The following NDOR1 variants were observed in gnomAD, a reference collection of about 807,000 sequenced individuals.
The protein encoded by NDOR1 is NADPH-dependent diflavin oxidoreductase 1.
NDOR1 carries 61 observed loss-of-function variants against 67.2 expected under a neutral mutation model. The observed-to-expected ratio is 0.91, with a 90% CI of 0.74 to 1.12. The LOEUF (loss-of-function observed/expected upper bound fraction) is 1.12. Ranked by LOEUF, NDOR1 falls within the 50% of genes most tolerant of loss-of-function variation. The probability of loss-of-function intolerance (pLI) is 0.00; values close to 1 mark genes in which losing one functional copy is unlikely to be tolerated. For missense variants in NDOR1, 878 were observed against 802.8 expected (o/e 1.09, Z -1.13); for synonymous variants, 378 against 343.7 (o/e 1.10, Z -1.10).
At position 137,218,687 on chromosome 9, in the gene NDOR1, A is replaced by G. The variant is rs906451384; in HGVS notation, c.*2271A>G. 7.5e-6 allele frequency: 3 copies of G among 398,038 alleles called. No individual in the cohort carries two copies. The highest frequency in any genetic ancestry group is 1.3e-5 in the Non-Finnish European group (3 of 225,808). 24.7% of individuals were successfully genotyped at this position (398,038 alleles called of 1,614,324 possible). On this transcript the variant is annotated 3_prime_UTR_variant, in exon 14 of 14. Transcript: ENST00000684003. ...CCATGCCTGGGTGCTGTGAGGCCTG[A>G]TGACCAGGCTGGAAAAACCCAAGGT...
At chr9:137,213,689 C>G in intron 3 of NDOR1, 91 bp from the exon 4 acceptor site, 3 of 1,296,862 alleles carry the variant, frequency 2.3e-6, no homozygotes, top group Non-Finnish European at 3.2e-6. Flanking sequence ...CTCCACTCTT[C>G]GCCCGGGCTC....
At position 137,216,551 on chromosome 9, in the gene NDOR1, C is replaced by A; in HGVS notation, c.*135C>A. On this transcript the variant is annotated 3_prime_UTR_variant, in exon 14 of 14. Coordinates refer to ENST00000684003, the MANE Select transcript of NDOR1 (RefSeq NM_014434.4). ...TGGTCCTCTGGGAACAGCCAGCTCC[C>A]GAGCACAGCCGCACTCCTGTTGACC... 1 of 1,160,890 alleles carries A rather than the reference C, an allele frequency of 8.6e-7. No individual in the cohort carries two copies. Among genetic ancestry groups the A allele is most frequent in the Non-Finnish European group, 1.2e-6 (1 of 844,562 alleles). The allele number at this position is 1,160,890 out of a possible 1,614,324, so 71.9% of individuals were successfully genotyped here. A position where few individuals can be genotyped will look rare whatever the true frequency, so the allele number is the denominator to read the frequency against.
chr9:137,215,885 C>T lies in NDOR1; in HGVS notation c.1436-14C>T, dbSNP rs913194584. 20 of 1,613,064 alleles carry T rather than the reference C, an allele frequency of 1.2e-5. No homozygotes were observed. Among genetic ancestry groups the T allele is most frequent in the Non-Finnish European group, 1.7e-5 (20 of 1,179,936 alleles). ...TCAAGGACCTGTGGCCAAGAGCACC[C>T]TGTATTTCCCTAGGAAACTTCTTGT... On this transcript the variant is annotated splice_polypyrimidine_tract_variant and intron_variant, in intron 11 of 13. Coordinates refer to ENST00000684003, the MANE Select transcript of NDOR1 (RefSeq NM_014434.4).
rs538139588 is a variant in NDOR1 at position 137,211,046 on chromosome 9, C to T, written c.214-1456C>T. Among the ~76,000 whole-genome samples, 29 of 152,302 alleles carry T rather than the reference C, an allele frequency of 1.9e-4. No homozygotes were observed. In the South Asian group the frequency reaches 6.0e-3, roughly 32 times the overall value. On this transcript the variant is annotated intron_variant, in intron 2 of 13. Transcript: ENST00000684003. ...ATCCCAGCTACTTGGGAGGCTGAGG[C>T]AGGAGAATCACTTGAACCTGGGAGG...
rs1200675418 is a variant in NDOR1, at chr9:137,219,119, C to T, written c.*2703C>T. The T allele has an allele frequency of 6.5e-6, 1 of 153,428 alleles. No homozygotes were observed. Among genetic ancestry groups the T allele is most frequent in the Non-Finnish European group, 1.5e-5 (1 of 68,910 alleles). 9.5% of individuals were successfully genotyped at this position (153,428 alleles called of 1,614,324 possible). A position where few individuals can be genotyped will look rare whatever the true frequency, so the allele number is the denominator to read the frequency against. ...GGTCAGGCCAGCCGGGGGAGGGGTC[C>T]ATGCTGCGAAAATTCAGCCTGCAAA... On this transcript the variant is annotated 3_prime_UTR_variant, in exon 14 of 14. Transcript: ENST00000684003.
rs1020253873 is a variant in NDOR1, at chr9:137,216,148, G to C, written c.1609G>C (p.Glu537Gln). 1 of 1,613,610 alleles carries C rather than the reference G, an allele frequency of 6.2e-7. No homozygotes were observed. Among genetic ancestry groups the C allele is most frequent in the Non-Finnish European group, 8.5e-7 (1 of 1,180,024 alleles). The stretch of plus-strand genomic sequence containing the variant: ...CCGGGAGCTGGGGTCGCTTGTGTGG[G>C]AACTGCTGGACCGCCAGGGTGCATA... Reference protein sequence around the residue: ...RLRELGSLVWELLDRQGAYFY... With the variant: ...RLRELGSLVWQLLDRQGAYFY... The change falls in exon 13 of 14, where the codon GAA becomes CAA. Residue 537 changes from glutamate to glutamine, a missense_variant. Coordinates refer to ENST00000684003, the MANE Select transcript of NDOR1 (RefSeq NM_014434.4).
At chr9:137,207,726 G>A (rs932091412) in intron 2 of NDOR1, among the ~76,000 whole-genome samples, 1 of 152,158 alleles carries the variant, frequency 6.6e-6, no homozygotes, top group Non-Finnish European at 1.5e-5. Context: ...GGGATCCATG[G>A]GATTTCTTGG....
intron 2 of NDOR1, among the ~76,000 whole-genome samples, chr9:137,211,106 A>T (rs995934264): frequency 1.3e-5 from 2 of 152,224 alleles, no homozygotes; most frequent in Admixed American, 1.3e-4. Flanking sequence ...GCACCATTGC[A>T]CTCCAGCCTG....
chr9:137,212,545 C>T lies in NDOR1; in HGVS notation c.257C>T (p.Ala86Val), dbSNP rs368185373. 3.4e-5 allele frequency: 55 copies of T among 1,614,004 alleles called. 2 individuals carry two copies. Among genetic ancestry groups the T allele is most frequent in the East Asian group, 1.6e-4 (7 of 44,898 alleles). Residue 86 changes from alanine (A) to valine (V), a missense_variant, in exon 3 of 14, where the codon GCC becomes GTC. Physicochemically the swap from Ala to Val is moderately conservative, Grantham distance 64. Transcript: ENST00000684003. The surrounding 1 kb of genome is among the most constrained non-coding windows in gnomAD (Gnocchi z 4.3). Reference protein sequence around the residue: ...FIFRKNLPSTALCQMDFAVLG... With the variant: ...FIFRKNLPSTVLCQMDFAVLG... ...TTCCGGAAGAACCTGCCCTCCACTG[C>T]CCTCTGTCAGATGGACTTTGCCGTC...
intron 2 of NDOR1, among the ~76,000 whole-genome samples, chr9:137,211,633 G>T (rs898113229): frequency 1.8e-4 from 28 of 152,304 alleles, no homozygotes; most frequent in Admixed American, 1.6e-3. Context: ...GAGGGTCTCG[G>T]GGGCAAGAGG....
At chr9:137,206,838 C>T (rs1834993105) in intron 2 of NDOR1, among the ~76,000 whole-genome samples, 1 of 152,210 alleles carries the variant, frequency 6.6e-6, no homozygotes, top group Non-Finnish European at 1.5e-5. Flanking sequence ...CTCACCCAAC[C>T]TTGGGGCCCA....
In NDOR1 at chr9:137,212,421, C is replaced by T; in HGVS notation, c.214-81C>T. The T allele has an allele frequency of 7.8e-7, 1 of 1,286,336 alleles. No individual in the cohort carries two copies. Among genetic ancestry groups the T allele is most frequent in the Non-Finnish European group, 1.1e-6 (1 of 885,212 alleles). 79.7% of individuals were successfully genotyped at this position (1,286,336 alleles called of 1,614,324 possible). On this transcript the variant is annotated intron_variant, in intron 2 of 13. Transcript: ENST00000684003. This position sits in a 1 kb window ranked among gnomAD's most constrained non-coding sequence, Gnocchi z 4.3. The stretch of plus-strand genomic sequence containing the variant: ...CCCATCCTACCCACCTGCCTGTTCC[C>T]CTGAGACCCTCCCCTCACCCCCTGC...
rs148845151 is a variant in NDOR1, at chr9:137,216,302, G to A, written c.1680G>A (p.Ser560=). ...GNAKSMPADV[S]EALMSIFQEE... ...CCAAGTCCATGCCAGCGGACGTCTC[G>A]GAAGCCCTGATGTCCATCTTCCAGG... Residue 560 remains serine (S), a synonymous_variant, in exon 14 of 14, where the codon TCG becomes TCA. Coordinates refer to ENST00000684003, the MANE Select transcript of NDOR1 (RefSeq NM_014434.4). 262 of 1,612,454 alleles carry A rather than the reference G, an allele frequency of 1.6e-4. No individual in the cohort carries two copies. The highest frequency in any genetic ancestry group is 2.1e-4 in the Non-Finnish European group (249 of 1,179,994).
In NDOR1 at chr9:137,214,673, C is replaced by T; in HGVS notation, c.826C>T (p.Leu276=). 1.2e-6 allele frequency: 2 copies of T among 1,604,806 alleles called. No individual in the cohort carries two copies. The highest frequency in any genetic ancestry group is 1.7e-6 in the Non-Finnish European group (2 of 1,179,858). The part of the protein sequence containing the change: ...LGLDPDQLFM[L]QPREPDVSSP... ...CCTGGACCCTGACCAGCTCTTCATGCTGCAGCCGCGGGAGCCAGGTGAGCC... is the reference window on the plus strand; with the variant it reads ...CCTGGACCCTGACCAGCTCTTCATGTTGCAGCCGCGGGAGCCAGGTGAGCC... Residue 276 remains leucine (L), a synonymous_variant, in exon 7 of 14, where the codon CTG becomes TTG. Transcript: ENST00000684003.
chr9:137,208,485 AAC>A (rs1835090938), intron 2 of NDOR1, among the ~76,000 whole-genome samples: 1 of 148,442 alleles, frequency 6.7e-6, no homozygotes, highest in African/African-American at 2.6e-5. Context: ...AAAACAAACA[AAC>A]AAAAAACCAC....
At position 137,212,397 on chromosome 9, in the gene NDOR1, C is replaced by T. The variant is rs1458600562; in HGVS notation, c.214-105C>T. 4 of 968,570 alleles carry T rather than the reference C, an allele frequency of 4.1e-6. No individual in the cohort carries two copies. The Admixed American group carries it at 7.5e-5, about 18-fold the overall frequency. The allele number at this position is 968,570 out of a possible 1,614,324, so 60.0% of individuals were successfully genotyped here. On this transcript the variant is annotated intron_variant, in intron 2 of 13. Transcript: ENST00000684003. This position sits in a 1 kb window ranked among gnomAD's most constrained non-coding sequence, Gnocchi z 4.3. The stretch of plus-strand genomic sequence containing the variant: ...AGATAGGTCCAGTTGTATTCTGCCC[C>T]CATCCTACCCACCTGCCTGTTCCCC...
intron 3 of NDOR1, among the ~76,000 whole-genome samples, chr9:137,213,441 T>G (rs935418259): frequency 6.6e-6 from 1 of 152,134 alleles, no homozygotes; most frequent in Non-Finnish European, 1.5e-5. Context: ...ACATCTTGGC[T>G]GGGGGCCTGG....
At chr9:137,211,118 G>A (rs970333702) in intron 2 of NDOR1, among the ~76,000 whole-genome samples, 1 of 152,224 alleles carries the variant, frequency 6.6e-6, no homozygotes, top group Non-Finnish European at 1.5e-5. Flanking sequence ...TCCAGCCTGG[G>A]CTACAGAGTG....
intron 2 of NDOR1, among the ~76,000 whole-genome samples, chr9:137,209,446 T>C (rs1835140385): frequency 6.6e-6 from 1 of 152,078 alleles, no homozygotes; most frequent in Admixed American, 6.5e-5. Flanking sequence ...GGCAGGAAGC[T>C]GGTGCTAATG....
Sources: allele counts gnomAD v4.1 joint callset (sites outside exome capture counted in the v4.1 genomes callset), GRCh38; gene constraint gnomAD v4.1.1; non-coding constraint Gnocchi (gnomAD v3.1); transcripts MANE v1.5; gene names NCBI Gene and HGNC (gene_info 2026-07-23, HGNC 2026-07-21).